PRSS38: variants seen among roughly 807,000 people sequenced by gnomAD.
The protein encoded by PRSS38 is serine protease 38, also known as marapsin 2.
PRSS38 carries 22 observed loss-of-function variants against 26.8 expected under a neutral mutation model. That is an observed-to-expected ratio of 0.82 (90% CI 0.59 to 1.17). The LOEUF (loss-of-function observed/expected upper bound fraction) is 1.17. PRSS38 is among the 50% of genes most tolerant of loss of function. The probability of loss-of-function intolerance (pLI) is 0.00; values close to 1 mark genes in which losing one functional copy is unlikely to be tolerated. For missense variants in PRSS38, 427 were observed against 422.7 expected (o/e 1.01, Z -0.09); for synonymous variants, 175 against 172.1 (o/e 1.02, Z -0.13).
intron 3 of PRSS38, among the ~76,000 whole-genome samples, chr1:227,841,848 A>G (rs1342482724): frequency 1.3e-5 from 2 of 152,210 alleles, no homozygotes; most frequent in East Asian, 3.8e-4. Context: ...GCTGTAAAGG[A>G]ATACCTGAGG....
chr1:227,843,865 T>C (rs1435458901), intron 3 of PRSS38, among the ~76,000 whole-genome samples: 4 of 150,414 alleles, frequency 2.7e-5, no homozygotes, highest in Non-Finnish European at 5.9e-5. Flanking sequence ...ACTAAAAATA[T>C]AAAAGTTAGC....
intron 3 of PRSS38, among the ~76,000 whole-genome samples, chr1:227,823,227 C>T (rs1403081237): frequency 1.3e-5 from 2 of 152,034 alleles, no homozygotes; most frequent in African/African-American, 4.8e-5. Flanking sequence ...ATAATGGCCT[C>T]CAGTTCCATC....
rs115942735 is a variant in PRSS38, at chr1:227,828,276, T to G, written c.583+10796T>G. 3.8e-3 allele frequency among the ~76,000 whole-genome samples: 582 copies of G among 152,320 alleles called. 6 individuals are homozygous for G. Among genetic ancestry groups the G allele is most frequent in the African/African-American group, 0.013 (552 of 41,562 alleles). On this transcript the variant is annotated intron_variant, in intron 3 of 4. Transcript: ENST00000366757. Reference sequence around the variant, plus strand: ...TTTCTGTCTCAATGATCTGTTAATATTATCAGTGGAGTGTTAAAGTATCCC... The same window carrying G: ...TTTCTGTCTCAATGATCTGTTAATAGTATCAGTGGAGTGTTAAAGTATCCC...
intron 3 of PRSS38, among the ~76,000 whole-genome samples, chr1:227,845,166 AGGCTCCTCCCTAATGTGTGGTGG>A (rs1665406286): frequency 3.1e-5 from 2 of 63,576 alleles, no homozygotes; most frequent in Admixed American, 3.6e-4. Flanking sequence ...GTGTGTGGTG[AGGCTCCTCCCTAATGTGTGGTGG>A]GGCTCCTCCC....
chr1:227,830,730 C>T (rs565036046), intron 3 of PRSS38, among the ~76,000 whole-genome samples: 55 of 151,976 alleles, frequency 3.6e-4, no homozygotes, highest in African/African-American at 1.2e-3. Context: ...GTCTCGAACT[C>T]GTGGCCTCAG....
intron 3 of PRSS38, among the ~76,000 whole-genome samples, chr1:227,822,107 T>C (rs1489216187): frequency 6.6e-6 from 1 of 152,162 alleles, no homozygotes; most frequent in Non-Finnish European, 1.5e-5. Flanking sequence ...CTTGCTCAAA[T>C]TGTCTGCTTT....
intron 1 of PRSS38, 108 bp from the exon 2 acceptor site, chr1:227,815,982 T>G: frequency 1.7e-6 from 2 of 1,192,722 alleles, no homozygotes; most frequent in East Asian, 5.5e-5. Flanking sequence ...CCATGTCCCC[T>G]GCCTTCCCTT....
At chr1:227,834,259 C>G (rs1665204895) in intron 3 of PRSS38, among the ~76,000 whole-genome samples, 1 of 152,128 alleles carries the variant, frequency 6.6e-6, no homozygotes, top group African/African-American at 2.4e-5. Context: ...TTTGAAACTG[C>G]CCAGTTTGGG....
Position 227,839,261 on chromosome 1 carries a change from A to G in PRSS38, c.584-6209A>G, listed in dbSNP as rs952937755. Among the ~76,000 whole-genome samples, 7 of 152,142 alleles carry G rather than the reference A, an allele frequency of 4.6e-5. No individual in the cohort carries two copies. The East Asian group carries it at 1.4e-3, about 29-fold the overall frequency. On this transcript the variant is annotated intron_variant, in intron 3 of 4. Transcript: ENST00000366757. ...GATTGCTTGAAGCTGGGAGTTTGAGACCAGTCTGGACAACATAGTGAGACC... is the reference window on the plus strand; with the variant it reads ...GATTGCTTGAAGCTGGGAGTTTGAGGCCAGTCTGGACAACATAGTGAGACC...
At chr1:227,834,707 G>A (rs147146420) in intron 3 of PRSS38, among the ~76,000 whole-genome samples, 177 of 151,454 alleles carry the variant, frequency 1.2e-3, no homozygotes, top group African/African-American at 4.2e-3. Flanking sequence ...GCGAGTGCCT[G>A]TAGTGCCAGC....
exon 4 of PRSS38, chr1:227,845,531 C>T (rs1303575945): frequency 1.2e-6 from 2 of 1,613,510 alleles, no homozygotes; most frequent in African/African-American, 2.7e-5. Context: ...CCTGGTGCCA[C>T]CTGCTCTACG....
intron 3 of PRSS38, among the ~76,000 whole-genome samples, chr1:227,825,180 T>A (rs558806141): frequency 6.6e-6 from 1 of 152,298 alleles, no homozygotes; most frequent in East Asian, 1.9e-4. Context: ...CTAGATTTTC[T>A]TCTAGGTTTT....
intron 3 of PRSS38, among the ~76,000 whole-genome samples, chr1:227,822,539 T>A (rs1352978946): frequency 6.6e-6 from 1 of 152,194 alleles, no homozygotes; most frequent in East Asian, 1.9e-4. Context: ...CTGTGGTGTT[T>A]TGATTGTTGA....
At chr1:227,827,276 C>G (rs1665086814) in intron 3 of PRSS38, among the ~76,000 whole-genome samples, 1 of 152,088 alleles carries the variant, frequency 6.6e-6, no homozygotes, top group African/African-American at 2.4e-5. Flanking sequence ...TTCTTTGTAC[C>G]TCTGGTAGAA....
At chr1:227,827,059 G>A (rs1238133720) in intron 3 of PRSS38, among the ~76,000 whole-genome samples, 1 of 152,156 alleles carries the variant, frequency 6.6e-6, no homozygotes, top group African/African-American at 2.4e-5. Context: ...GCTTTTTGAT[G>A]TGCTGCTGGA....
chr1:227,822,793 T>C (rs1420884850), intron 3 of PRSS38, among the ~76,000 whole-genome samples: 1 of 152,220 alleles, frequency 6.6e-6, no homozygotes, highest in Non-Finnish European at 1.5e-5. Context: ...AGCCTAGGGA[T>C]CAGCCTGAGG....
chr1:227,845,872 C>A, intron 4 of PRSS38, 82 bp from the exon 5 acceptor site: 6 of 1,555,422 alleles, frequency 3.9e-6, no homozygotes, highest in Non-Finnish European at 5.2e-6. Context: ...GCACAGCCAC[C>A]CCCTTGCACC....
Position 227,816,108 on chromosome 1 carries a change from T to C in PRSS38, c.167T>C (p.Met56Thr), listed in dbSNP as rs1664909161. ...CCTGCAGCCTGTGGTCGGCCCAGCA[T>C]GGAGGGGAAAATCCTGGGCGGCGTC... Residue 56 changes from methionine to threonine, a missense_variant, in exon 2 of 5, where the codon ATG (methionine) becomes ACG (threonine). Physicochemically the swap from Met to Thr is moderately conservative, Grantham distance 81. Transcript: ENST00000366757. The surrounding 1 kb of genome is among the most constrained non-coding windows in gnomAD (Gnocchi z 5.1). 2.5e-6 allele frequency: 4 copies of C among 1,613,108 alleles called. No homozygotes were observed. The highest frequency in any genetic ancestry group is 2.2e-5 in the South Asian group (2 of 91,010).
intron 3 of PRSS38, among the ~76,000 whole-genome samples, chr1:227,833,706 A>G (rs897026164): frequency 3.9e-5 from 6 of 152,348 alleles, no homozygotes; most frequent in African/African-American, 1.4e-4. Context: ...AGTCCATTCC[A>G]TGGGGAAGGA....
Sources: gnomAD v4.1 joint callset for allele counts (sites outside exome capture counted in the v4.1 genomes callset) on GRCh38, gnomAD v4.1.1 for gene constraint, Gnocchi (gnomAD v3.1) non-coding constraint, MANE v1.5 for transcripts, NCBI Gene and HGNC (gene_info 2026-07-23, HGNC 2026-07-21) for gene names.